EFNA1: variants seen among roughly 807,000 people sequenced by gnomAD.
EFNA1 encodes the protein ephrin-A1.
EFNA1 carries 8 observed loss-of-function variants against 23.2 expected under a neutral mutation model. That is an observed-to-expected ratio of 0.34 (90% CI 0.20 to 0.62). The LOEUF (loss-of-function observed/expected upper bound fraction) is 0.62, where lower values mean the gene tolerates loss of function less well. Ranked by LOEUF, EFNA1 falls within the 20% of genes least tolerant of loss-of-function variation. The pLI, the probability that EFNA1 is intolerant of heterozygous loss-of-function variation, is 0.75. For synonymous variants in EFNA1, 89 were observed against 98.6 expected, an observed-to-expected ratio of 0.90 and a Z score of 0.58; for missense variants, 217 against 260.0, an observed-to-expected ratio of 0.83 and a Z score of 1.14.
At chr1:155,132,950 G>A (rs1046747560) in intron 2 of EFNA1, among the ~76,000 whole-genome samples, 1 of 151,584 alleles carries the variant, frequency 6.6e-6, no homozygotes, top group African/African-American at 2.4e-5. Context: ...TCGCTCTGTC[G>A]CCCAGACTGG....
chr1:155,134,128 A>G lies in EFNA1; in HGVS notation c.*61A>G. 1 of 1,540,078 alleles carries G rather than the reference A, an allele frequency of 6.5e-7. No individual in the cohort carries two copies. Among genetic ancestry groups the G allele is most frequent in the Non-Finnish European group, 8.9e-7 (1 of 1,128,832 alleles). ...GCTGAAGAGAGGGACAGGCACTCCA[A>G]ACCTGTCTTGGGGCCACTTTCAGAG... On this transcript the variant is annotated 3_prime_UTR_variant, in exon 5 of 5. Coordinates refer to ENST00000368407, the MANE Select transcript of EFNA1 (RefSeq NM_004428.3).
chr1:155,131,332 T>C lies in EFNA1; in HGVS notation c.93-7T>C. 6.3e-7 allele frequency: 1 copy of C among 1,598,116 alleles called. No individual in the cohort carries two copies. The highest frequency in any genetic ancestry group is 1.7e-5 in the Admixed American group (1 of 59,778). On this transcript the variant is annotated splice_region_variant and splice_polypyrimidine_tract_variant and intron_variant, in intron 1 of 4. Coordinates refer to ENST00000368407, the MANE Select transcript of EFNA1 (RefSeq NM_004428.3). ...CACCTGCTTCTTCCCCCTGTGTGTG[T>C]CCCCAGGTTCCGGAATGAGGACTAC...
chr1:155,133,822 G>GTC, intron 4 of EFNA1, 42 bp downstream of exon 4: 1 of 1,612,996 alleles, frequency 6.2e-7, no homozygotes, highest in Non-Finnish European at 8.5e-7. Flanking sequence ...ACAGGAAGGG[G>GTC]TCTGCTTGAA....
At position 155,129,348 on chromosome 1, in the gene EFNA1, G is replaced by A. The variant is rs567614032; in HGVS notation, c.92+1279G>A. Among the ~76,000 whole-genome samples the A allele has an allele frequency of 2.6e-5, 4 of 152,232 alleles. No individual in the cohort carries two copies. In the East Asian group the frequency reaches 7.7e-4, roughly 29 times the overall value. On this transcript the variant is annotated intron_variant, in intron 1 of 4. Transcript: ENST00000368407. ...GGACCCTGGCCTTTTCCGTTCCCAA[G>A]CTCCCAGGTTTCCTCTCTTTCAGGA...
At position 155,128,069 on chromosome 1, in the gene EFNA1, A is replaced by C. The variant is rs79752142; in HGVS notation, c.92A>C (p.Lys31Thr). The C allele has an allele frequency of 6.2e-6, 10 of 1,613,448 alleles. No homozygotes were observed. The highest frequency in any genetic ancestry group is 7.6e-6 in the Non-Finnish European group (9 of 1,179,882). ...HTVFWNSSNP[K>T]FRNEDYTIHV... The stretch of plus-strand genomic sequence containing the variant: ...GTCTTCTGGAACAGTTCAAATCCCA[A>C]GTAAGCCTCGAGACTCCCGCTGGCA... Residue 31 changes from lysine (K) to threonine (T), a missense_variant and splice_region_variant, in exon 1 of 5, where the codon AAG becomes ACG. By Grantham distance (78) the Lys-to-Thr change is moderately conservative (BLOSUM62 -1). Coordinates refer to ENST00000368407, the MANE Select transcript of EFNA1 (RefSeq NM_004428.3).
intron 2 of EFNA1, among the ~76,000 whole-genome samples, chr1:155,133,048 C>A (rs542527308): frequency 6.6e-6 from 1 of 151,922 alleles, no homozygotes; most frequent in Non-Finnish European, 1.5e-5. Flanking sequence ...GTAGCTGGGA[C>A]TACAGGCATG....
chr1:155,131,267 C>A, intron 1 of EFNA1, 72 bp from the exon 2 acceptor site: 1 of 1,529,580 alleles, frequency 6.5e-7, no homozygotes. Context: ...GTCATGTAAA[C>A]ATTCAGAGGC....
intron 1 of EFNA1, 190 bp from the exon 2 acceptor site, chr1:155,131,149 G>A: frequency 7.3e-7 from 1 of 1,371,520 alleles, no homozygotes; most frequent in African/African-American, 1.5e-5. Context: ...TGATGGTGCA[G>A]GGGAATGTTT....
At chr1:155,129,287 G>A (rs550532486) in intron 1 of EFNA1, among the ~76,000 whole-genome samples, 165 of 152,282 alleles carry the variant, frequency 1.1e-3, no homozygotes, top group Non-Finnish European at 2.0e-3. Flanking sequence ...GACTGGAGGA[G>A]GAGGAGGGGA....
Position 155,131,650 on chromosome 1 carries a change from G to A in EFNA1, c.388+16G>A, listed in dbSNP as rs1347232127. 2 of 1,602,542 alleles carry A rather than the reference G, an allele frequency of 1.2e-6. No individual in the cohort carries two copies. The highest frequency in any genetic ancestry group is 8.5e-7 in the Non-Finnish European group (1 of 1,170,824). On this transcript the variant is annotated intron_variant, in intron 2 of 4. Transcript: ENST00000368407. Reference sequence around the variant, plus strand: ...TACTACATCTGTGAGTGCCTGTGAGGGGACAGTGTCTGTGTTTCTTTTTTG... The same window carrying A: ...TACTACATCTGTGAGTGCCTGTGAGAGGACAGTGTCTGTGTTTCTTTTTTG...
chr1:155,128,124 C>A, intron 1 of EFNA1, 55 bp downstream of exon 1: 5 of 1,506,244 alleles, frequency 3.3e-6, no homozygotes, highest in South Asian at 1.1e-5. Context: ...ACTACCCCAC[C>A]GGGATAACTG....
chr1:155,130,894 T>TC, intron 1 of EFNA1: 4 of 985,316 alleles, frequency 4.1e-6, no homozygotes, highest in Non-Finnish European at 2.4e-6. Flanking sequence ...AGAAAGGGTT[T>TC]CCTGGATTCT....
In EFNA1 at chr1:155,131,591, C is replaced by T; in HGVS notation, c.345C>T (p.Thr115=). 6.2e-7 allele frequency: 1 copy of T among 1,613,856 alleles called. No homozygotes were observed. Among genetic ancestry groups the T allele is most frequent in the Non-Finnish European group, 8.5e-7 (1 of 1,179,868 alleles). ...SEKFQRFTPF[T]LGKEFKEGHS... ...AGTTCCAGCGCTTCACACCTTTCAC[C>T]CTGGGCAAGGAGTTCAAAGAAGGAC... is the stretch of plus-strand genomic sequence containing the variant. Residue 115 remains threonine, a synonymous_variant, in exon 2 of 5, where the codon ACC becomes ACT. Coordinates refer to ENST00000368407, the MANE Select transcript of EFNA1 (RefSeq NM_004428.3).
At chr1:155,129,726 G>A (rs1303156929) in intron 1 of EFNA1, 1 of 152,498 alleles carries the variant, frequency 6.6e-6, no homozygotes, top group East Asian at 1.9e-4. Flanking sequence ...CCTCAGGCGG[G>A]GGCAGCATGC....
At chr1:155,133,130 C>T (rs1000178789) in intron 2 of EFNA1, among the ~76,000 whole-genome samples, 10 of 151,994 alleles carry the variant, frequency 6.6e-5, no homozygotes, top group Non-Finnish European at 1.2e-4. Flanking sequence ...AGGCTGGTCT[C>T]GAACTCCTGA....
At chr1:155,132,999 C>A (rs370926079) in intron 2 of EFNA1, among the ~76,000 whole-genome samples, 82 of 152,144 alleles carry the variant, frequency 5.4e-4, no homozygotes, top group South Asian at 5.2e-3. Context: ...CAACCTCCAC[C>A]TCCCGGGTTC....
In EFNA1 at chr1:155,131,374, T is replaced by C. The variant is rs1488116519; in HGVS notation, c.128T>C (p.Leu43Pro). The change falls in exon 2 of 5, where the codon CTG becomes CCG. Residue 43 changes from leucine to proline, a missense_variant. Transcript: ENST00000368407. ...RNEDYTIHVQ[L>P]NDYVDIICPH... is the part of the protein sequence containing the mutation. ...GAGGACTACACCATACATGTGCAGC[T>C]GAATGACTACGTGGACATCATCTGT... is the stretch of plus-strand genomic sequence containing the variant. 11 of 1,613,922 alleles carry C rather than the reference T, an allele frequency of 6.8e-6. No individual in the cohort carries two copies. The highest frequency in any genetic ancestry group is 5.9e-6 in the Non-Finnish European group (7 of 1,179,810).
chr1:155,132,589 A>G (rs1664264424), intron 2 of EFNA1, among the ~76,000 whole-genome samples: 1 of 148,544 alleles, frequency 6.7e-6, no homozygotes, highest in Admixed American at 6.7e-5. Flanking sequence ...GCACTTTGGG[A>G]GGCCGAGGTG....
At chr1:155,128,115 C>G in intron 1 of EFNA1, 46 bp downstream of exon 1, 1 of 1,541,816 alleles carries the variant, frequency 6.5e-7, no homozygotes, top group Non-Finnish European at 8.9e-7. Context: ...CCGGCTGGCA[C>G]TACCCCACCG....
Sources: allele counts gnomAD v4.1 joint callset (sites outside exome capture counted in the v4.1 genomes callset), GRCh38; gene constraint gnomAD v4.1.1; transcripts MANE v1.5; gene names NCBI Gene and HGNC (gene_info 2026-07-23, HGNC 2026-07-21).